SLC2A2: variants seen among roughly 807,000 people sequenced by gnomAD.
SLC2A2 encodes the protein solute carrier family 2 member 2.
SLC2A2 carries 36 observed loss-of-function variants against 54.5 expected under a neutral mutation model. That is an observed-to-expected ratio of 0.66 (90% CI 0.51 to 0.87). SLC2A2 has a LOEUF of 0.87. Among genes scored for constraint, SLC2A2 ranks in the 40% least tolerant of loss-of-function variants. SLC2A2 has a pLI of 0.00. For missense variants in SLC2A2, 543 were observed against 624.3 expected (o/e 0.87, Z 1.39); for synonymous variants, 223 against 219.1 (o/e 1.02, Z -0.16).
At position 171,006,125 on chromosome 3, in the gene SLC2A2, G is replaced by A. The variant is rs56373636; in HGVS notation, c.613-20C>T. 1.3e-5 allele frequency: 21 copies of A among 1,604,980 alleles called. No homozygotes were observed. Among genetic ancestry groups the A allele is most frequent in the Non-Finnish European group, 1.7e-6 (2 of 1,172,668 alleles). On this transcript the variant is annotated intron_variant, in intron 5 of 10. Transcript: ENST00000314251. Reference sequence around the variant, plus strand: ...AATAATCTGAAAATGCAAGGAGGAAGTATATCAACTACATAATACTTTGGA... The same window carrying A: ...AATAATCTGAAAATGCAAGGAGGAAATATATCAACTACATAATACTTTGGA...
intron 1 of SLC2A2, among the ~76,000 whole-genome samples, chr3:171,020,288 C>G (rs1716394004): frequency 6.6e-6 from 1 of 152,104 alleles, no homozygotes. Flanking sequence ...ATTATTTAGT[C>G]CAGTGGTTCT....
At chr3:171,013,663 C>T (rs1715991006) in intron 3 of SLC2A2, among the ~76,000 whole-genome samples, 1 of 120,076 alleles carries the variant, frequency 8.3e-6, no homozygotes, top group African/African-American at 3.9e-5. Context: ...AAGGCATTTT[C>T]ACTTTCTAAA....
chr3:170,998,037 A>G lies in SLC2A2; in HGVS notation c.1441T>C (p.Phe481Leu). 6.2e-7 allele frequency: 1 copy of G among 1,613,704 alleles called. No homozygotes were observed. The highest frequency in any genetic ancestry group is 1.1e-5 in the South Asian group (1 of 91,080). ...GVLLAFTLFTFFKVPETKGKS... is the reference protein window; with the variant it reads ...GVLLAFTLFTLFKVPETKGKS... ...CCTTTGGTTTCTGGAACTTTAAAAA[A>G]TGTGAACAGGGTAAAGGCCAGGAGC... The change falls in exon 11 of 11, where the codon TTT becomes CTT. Residue 481 changes from phenylalanine (F) to leucine (L), a missense_variant. By Grantham distance (22) the Phe-to-Leu change is conservative. Transcript: ENST00000314251.
chr3:170,996,410 A>G lies in SLC2A2; in HGVS notation c.*1493T>C, dbSNP rs1310947271. 1 of 389,268 alleles carries G rather than the reference A, an allele frequency of 2.6e-6. No individual in the cohort carries two copies. Among genetic ancestry groups the G allele is most frequent in the Admixed American group, 4.5e-5 (1 of 22,452 alleles). The allele number at this position is 389,268 out of a possible 1,614,324, so 24.1% of individuals were successfully genotyped here. On this transcript the variant is annotated 3_prime_UTR_variant, in exon 11 of 11. Coordinates refer to ENST00000314251, the MANE Select transcript of SLC2A2 (RefSeq NM_000340.2). ...TACATATATGTGAACAACTTTAGAA[A>G]ACAAAGCAAATGTTCAGTGGTTTTT...
chr3:171,002,829 GA>G (rs1335002516), intron 7 of SLC2A2, 149 bp from the exon 8 acceptor site: 1 of 634,930 alleles, frequency 1.6e-6, no homozygotes, highest in African/African-American at 1.8e-5. Flanking sequence ...TTCCAAGGAA[GA>G]GAACCCTCAG....
rs994085365 is a variant in SLC2A2 at position 170,996,710 on chromosome 3, C to A, written c.*1193G>T. On this transcript the variant is annotated 3_prime_UTR_variant, in exon 11 of 11. Transcript: ENST00000314251. ...AGTGTACAATGCGTGTTAGTAATGGCCATAGAATAGTTTGGCTAGAATCTG... is the reference window on the plus strand; with the variant it reads ...AGTGTACAATGCGTGTTAGTAATGGACATAGAATAGTTTGGCTAGAATCTG... 3 of 397,450 alleles carry A rather than the reference C, an allele frequency of 7.5e-6. No individual in the cohort carries two copies. The highest frequency in any genetic ancestry group is 4.4e-5 in the Admixed American group (1 of 22,648). 24.6% of individuals were successfully genotyped at this position (397,450 alleles called of 1,614,324 possible). A position where few individuals can be genotyped will look rare whatever the true frequency, so the allele number is the denominator to read the frequency against.
intron 8 of SLC2A2, among the ~76,000 whole-genome samples, chr3:171,000,172 C>A (rs1207008005): frequency 2.6e-5 from 4 of 152,038 alleles, no homozygotes; most frequent in Non-Finnish European, 5.9e-5. Context: ...TTCTCAGAGG[C>A]ACACTCATAT....
intron 8 of SLC2A2, among the ~76,000 whole-genome samples, chr3:171,001,148 C>T (rs73169713): frequency 0.016 from 2,508 of 152,114 alleles, 45 homozygotes; most frequent in Non-Finnish European, 0.021. Context: ...AAAAATGAAA[C>T]TTTACAGAAG....
chr3:171,025,624 A>G (rs183077055), intron 1 of SLC2A2, among the ~76,000 whole-genome samples: 1 of 152,304 alleles, frequency 6.6e-6, no homozygotes, highest in East Asian at 1.9e-4. Context: ...TGGCATTGCT[A>G]GAACCCAGAT....
chr3:171,006,255 A>C, intron 5 of SLC2A2, 150 bp from the exon 6 acceptor site: 7 of 644,024 alleles, frequency 1.1e-5, no homozygotes, highest in Non-Finnish European at 1.6e-5. Context: ...ATTGTATCTC[A>C]CTTTAACTAA....
At chr3:171,005,897 T>C (rs776665377) in intron 6 of SLC2A2, 46 bp downstream of exon 6, 7 of 1,567,934 alleles carry the variant, frequency 4.5e-6, no homozygotes, top group South Asian at 4.5e-5. Flanking sequence ...CATTAGCTGA[T>C]AATGCCAAAA....
At chr3:171,022,946 T>C (rs1017055719) in intron 1 of SLC2A2, among the ~76,000 whole-genome samples, 2 of 152,204 alleles carry the variant, frequency 1.3e-5, no homozygotes, top group African/African-American at 4.8e-5. Context: ...GGATCTCCCA[T>C]CCTATTTCTT....
At chr3:171,018,859 C>T (rs915578590) in intron 1 of SLC2A2, among the ~76,000 whole-genome samples, 2 of 151,890 alleles carry the variant, frequency 1.3e-5, no homozygotes, top group Non-Finnish European at 2.9e-5. Context: ...CAGCTTCTTC[C>T]AGGGGAGGAA....
chr3:171,005,841 T>C (rs1375021573), intron 6 of SLC2A2, 102 bp downstream of exon 6: 1 of 1,222,244 alleles, frequency 8.2e-7, no homozygotes, highest in African/African-American at 1.5e-5. Flanking sequence ...TTTTGCACAT[T>C]CTTCTTACAT....
Position 170,996,688 on chromosome 3 carries a change from G to A in SLC2A2, c.*1215C>T. ...ATGTAGGTAAAGGCAGATAGATAGT[G>A]TACAATGCGTGTTAGTAATGGCCAT... On this transcript the variant is annotated 3_prime_UTR_variant, in exon 11 of 11. Coordinates refer to ENST00000314251, the MANE Select transcript of SLC2A2 (RefSeq NM_000340.2). 2.5e-6 allele frequency: 1 copy of A among 397,834 alleles called. No individual in the cohort carries two copies. Among genetic ancestry groups the A allele is most frequent in the Non-Finnish European group, 4.4e-6 (1 of 225,524 alleles). The allele number at this position is 397,834 out of a possible 1,614,324, so 24.6% of individuals were successfully genotyped here.
intron 6 of SLC2A2, 45 bp from the exon 7 acceptor site, chr3:171,005,517 AAAAG>A: frequency 6.7e-7 from 1 of 1,487,278 alleles, no homozygotes; most frequent in Non-Finnish European, 9.3e-7. Context: ...GGCCAAAACA[AAAAG>A]AAATTTATTT....
intron 1 of SLC2A2, among the ~76,000 whole-genome samples, chr3:171,024,230 C>T (rs1271271919): frequency 6.6e-6 from 1 of 152,170 alleles, no homozygotes; most frequent in Non-Finnish European, 1.5e-5. Context: ...AGAACAAATG[C>T]ATCTTTAATC....
Position 170,997,778 on chromosome 3 carries a change from G to C in SLC2A2, c.*125C>G. ...TTTGGTAATATTTGATGACATTTCT[G>C]ATGAGAGCACATAAAAATAAAACAA... On this transcript the variant is annotated 3_prime_UTR_variant, in exon 11 of 11. Transcript: ENST00000314251. The C allele has an allele frequency of 1.2e-6, 1 of 810,766 alleles. No individual in the cohort carries two copies. Among genetic ancestry groups the C allele is most frequent in the Non-Finnish European group, 2.1e-6 (1 of 486,276 alleles). 50.2% of individuals were successfully genotyped at this position (810,766 alleles called of 1,614,324 possible). A position where few individuals can be genotyped will look rare whatever the true frequency, so the allele number is the denominator to read the frequency against.
At position 171,009,889 on chromosome 3, in the gene SLC2A2, A is replaced by G; in HGVS notation, c.496+69T>C. 3 of 1,528,198 alleles carry G rather than the reference A, an allele frequency of 2.0e-6. No individual in the cohort carries two copies. In the South Asian group the frequency reaches 3.5e-5, roughly 18 times the overall value. The allele number at this position is 1,528,198 out of a possible 1,614,324, so 94.7% of individuals were successfully genotyped here. A position where few individuals can be genotyped will look rare whatever the true frequency, so the allele number is the denominator to read the frequency against. ...CCTGAGTGCTACCACATCCGCCTTT[A>G]GAGTTACTTTCAGACAAAGGTAGGT... On this transcript the variant is annotated intron_variant, in intron 4 of 10. Coordinates refer to ENST00000314251, the MANE Select transcript of SLC2A2 (RefSeq NM_000340.2).
Sources: allele counts gnomAD v4.1 joint callset (sites outside exome capture counted in the v4.1 genomes callset), GRCh38; gene constraint gnomAD v4.1.1; transcripts MANE v1.5; gene names NCBI Gene and HGNC (gene_info 2026-07-23, HGNC 2026-07-21).